MACROD2: variants seen among roughly 807,000 people sequenced by gnomAD.
MACROD2 encodes mono-ADP ribosylhydrolase 2.
MACROD2 carries 36 observed loss-of-function variants against 70.4 expected under a neutral mutation model. The observed-to-expected ratio is 0.51, with a 90% CI of 0.39 to 0.68. The LOEUF is 0.68. Ranked by LOEUF, MACROD2 falls within the 30% of genes least tolerant of loss-of-function variation. The pLI, the probability that MACROD2 is intolerant of heterozygous loss-of-function variation, is 0.00. For synonymous variants in MACROD2, 172 were observed against 178.8 expected, an observed-to-expected ratio of 0.96 and a Z score of 0.30; for missense variants, 496 against 538.4, an observed-to-expected ratio of 0.92 and a Z score of 0.78.
chr20:15,744,093 C>T (rs1030964881), intron 8 of MACROD2, among the ~76,000 whole-genome samples: 10 of 151,564 alleles, frequency 6.6e-5, no homozygotes, highest in Admixed American at 6.6e-5. Flanking sequence ...CTGAACAATA[C>T]AGTTTAGTTG....
chr20:15,115,796 A>AT (rs910584673), intron 5 of MACROD2, among the ~76,000 whole-genome samples: 4 of 152,090 alleles, frequency 2.6e-5, no homozygotes, highest in Non-Finnish European at 4.4e-5. Flanking sequence ...TGAAAACATA[A>AT]TTTTTTAAAC....
At chr20:15,968,797 G>GTATATATATATA (rs35259261) in intron 13 of MACROD2, among the ~76,000 whole-genome samples, 2 of 106,800 alleles carry the variant, frequency 1.9e-5, no homozygotes, top group Non-Finnish European at 3.8e-5. Context: ...TATATTATGC[G>GTATATATATATA]TATATATATA....
At chr20:14,966,005 A>G (rs1020347697) in intron 5 of MACROD2, among the ~76,000 whole-genome samples, 2 of 152,078 alleles carry the variant, frequency 1.3e-5, no homozygotes, top group Non-Finnish European at 2.9e-5. Context: ...GGAGATGACA[A>G]ATATTTACAT....
intron 9 of MACROD2, among the ~76,000 whole-genome samples, chr20:15,863,444 T>C (rs1053791692): frequency 7.9e-5 from 12 of 152,188 alleles, no homozygotes; most frequent in Non-Finnish European, 4.4e-5. Flanking sequence ...TAGTTGGATT[T>C]GGGTAATTTG....
At chr20:15,667,613 A>G (rs2049919028) in intron 8 of MACROD2, among the ~76,000 whole-genome samples, 1 of 152,184 alleles carries the variant, frequency 6.6e-6, no homozygotes. Flanking sequence ...CTGCACAACC[A>G]TAGTATCATT....
chr20:15,732,763 C>CTT (rs5840686), intron 8 of MACROD2, among the ~76,000 whole-genome samples: 18,692 of 147,736 alleles, frequency 0.13, 2,211 homozygotes, highest in African/African-American at 0.31. Flanking sequence ...TAGTTTTCCT[C>CTT]TTTTTTTTTT....
At chr20:15,012,074 T>G (rs879085709) in intron 5 of MACROD2, among the ~76,000 whole-genome samples, 4 of 152,194 alleles carry the variant, frequency 2.6e-5, no homozygotes, top group Admixed American at 2.6e-4. Context: ...AAAGGCTGTT[T>G]GATGGGTTTT....
chr20:14,866,627 A>G (rs2122403847), intron 5 of MACROD2, among the ~76,000 whole-genome samples: 1 of 152,228 alleles, frequency 6.6e-6, no homozygotes. Context: ...AATGCTGCAG[A>G]GGTATCTTTC....
At chr20:14,800,895 G>C (rs1408664542) in intron 5 of MACROD2, among the ~76,000 whole-genome samples, 3 of 151,106 alleles carry the variant, frequency 2.0e-5, no homozygotes, top group Admixed American at 2.0e-4. Context: ...TGGTGGGTTT[G>C]ACTAATTTTC....
intron 3 of MACROD2, among the ~76,000 whole-genome samples, chr20:14,204,055 G>A (rs1202407118): frequency 6.6e-6 from 1 of 152,198 alleles, no homozygotes; most frequent in Non-Finnish European, 1.5e-5. Flanking sequence ...AGCAATGGAG[G>A]GACTGTCCTA....
rs188077949 is a variant in MACROD2, at chr20:14,112,821, T to C, written c.271+27093T>C. On this transcript the variant is annotated intron_variant, in intron 3 of 17. Coordinates refer to ENST00000684519, the MANE Select transcript of MACROD2 (RefSeq NM_001351661.2). Reference sequence around the variant, plus strand: ...CATAAAAATTAGGCACCAGAAAGAGTAGTGGAGTAAAATAGCTTATCAGTA... The same window carrying C: ...CATAAAAATTAGGCACCAGAAAGAGCAGTGGAGTAAAATAGCTTATCAGTA... Among the ~76,000 whole-genome samples the C allele has an allele frequency of 1.3e-3, 194 of 151,770 alleles. 2 individuals carry two copies. Among genetic ancestry groups the C allele is most frequent in the Non-Finnish European group, 5.8e-4 (39 of 67,800 alleles).
At chr20:15,238,210 A>G (rs1240350360) in intron 6 of MACROD2, among the ~76,000 whole-genome samples, 1 of 152,194 alleles carries the variant, frequency 6.6e-6, no homozygotes, top group African/African-American at 2.4e-5. Context: ...TCTTAAAGTT[A>G]GGCATCCAAA....
At chr20:14,375,232 ATAT>A (rs1406997091) in intron 3 of MACROD2, among the ~76,000 whole-genome samples, 1 of 152,160 alleles carries the variant, frequency 6.6e-6, no homozygotes, top group Non-Finnish European at 1.5e-5. Context: ...TAAGACAAAA[ATAT>A]TAAGTGAGGT....
chr20:14,606,972 A>G (rs1356543131), intron 4 of MACROD2, among the ~76,000 whole-genome samples: 2 of 152,226 alleles, frequency 1.3e-5, no homozygotes, highest in Non-Finnish European at 2.9e-5. Flanking sequence ...CCATAGTCCT[A>G]CAATGCACAC....
At chr20:14,665,604 T>A (rs1381384303) in intron 4 of MACROD2, among the ~76,000 whole-genome samples, 1 of 152,044 alleles carries the variant, frequency 6.6e-6, no homozygotes, top group Non-Finnish European at 1.5e-5. Flanking sequence ...TACTTAAGTC[T>A]TGTAGTTTTT....
chr20:15,591,841 G>A (rs1600641395), intron 8 of MACROD2, among the ~76,000 whole-genome samples: 2 of 152,198 alleles, frequency 1.3e-5, no homozygotes, highest in South Asian at 4.1e-4. Flanking sequence ...CTCCCACCCT[G>A]GCCCCTTTCT....
At chr20:15,130,553 G>A (rs994504930) in intron 5 of MACROD2, among the ~76,000 whole-genome samples, 6 of 152,098 alleles carry the variant, frequency 3.9e-5, no homozygotes, top group Admixed American at 3.3e-4. Flanking sequence ...TTGCTCACAA[G>A]AGAGTAATAT....
chr20:14,308,980 A>G (rs749066209), intron 3 of MACROD2, among the ~76,000 whole-genome samples: 5 of 152,164 alleles, frequency 3.3e-5, no homozygotes, highest in Non-Finnish European at 5.9e-5. Flanking sequence ...TTTCATATGC[A>G]TATGCCACCC....
chr20:15,346,473 G>A (rs1049573516), intron 6 of MACROD2, among the ~76,000 whole-genome samples: 3 of 152,122 alleles, frequency 2.0e-5, no homozygotes, highest in Admixed American at 6.6e-5. Context: ...GAACAGCAGC[G>A]AAGTTCACAT....
Sources: gnomAD v4.1 joint callset for allele counts (sites outside exome capture counted in the v4.1 genomes callset) on GRCh38, gnomAD v4.1.1 for gene constraint, MANE v1.5 for transcripts, NCBI Gene and HGNC (gene_info 2026-07-23, HGNC 2026-07-21) for gene names.